The following TESK2 variants were observed in gnomAD, a reference collection of about 807,000 sequenced individuals.
TESK2 encodes testis associated actin remodelling kinase 2, also known as dual specificity testis-specific protein kinase 2.
TESK2 carries 39 observed loss-of-function variants against 57.1 expected under a neutral mutation model. The observed-to-expected ratio is 0.68, with a 90% CI of 0.53 to 0.89. The LOEUF (loss-of-function observed/expected upper bound fraction) is 0.89. TESK2 is among the 40% of genes least tolerant of loss of function. The pLI, the probability that TESK2 is intolerant of heterozygous loss-of-function variation, is 0.00. For missense variants in TESK2, 646 were observed against 732.1 expected (o/e 0.88, Z 1.36); for synonymous variants, 249 against 267.9 (o/e 0.93, Z 0.69).
chr1:45,474,613 C>T (rs1049054442), intron 1 of TESK2, among the ~76,000 whole-genome samples: 28 of 151,958 alleles, frequency 1.8e-4, no homozygotes, highest in Non-Finnish European at 1.8e-4. Context: ...GCTGGGATTA[C>T]AGGTGCGTAC....
chr1:45,477,342 G>A (rs144261971), intron 1 of TESK2, among the ~76,000 whole-genome samples: 48 of 152,194 alleles, frequency 3.2e-4, no homozygotes, highest in African/African-American at 9.6e-4. Context: ...ATAGAGGTTT[G>A]CTTCCTTTAA....
At chr1:45,452,308 T>G (rs1247195262) in intron 2 of TESK2, among the ~76,000 whole-genome samples, 2 of 152,080 alleles carry the variant, frequency 1.3e-5, no homozygotes, top group African/African-American at 4.8e-5. Context: ...AGGCTTTGTG[T>G]TTTTCACTGT....
intron 1 of TESK2, among the ~76,000 whole-genome samples, chr1:45,458,639 C>T (rs1022782160): frequency 1.3e-5 from 2 of 151,560 alleles, no homozygotes; most frequent in Non-Finnish European, 2.9e-5. Context: ...CAATCAATAC[C>T]CTTTATAGCC....
intron 2 of TESK2, among the ~76,000 whole-genome samples, chr1:45,422,923 C>G (rs772852506): frequency 6.0e-5 from 9 of 149,904 alleles, no homozygotes; most frequent in Non-Finnish European, 1.3e-4. Flanking sequence ...GCGCCTGCCA[C>G]CGCGCCCAGC....
Position 45,441,617 on chromosome 1 carries a change from C to CTT in TESK2, c.222+15945_222+15946dup, listed in dbSNP as rs763476517. Among the ~76,000 whole-genome samples the CTT allele has an allele frequency of 4.3e-3, 509 of 118,640 alleles. 13 individuals carry two copies. Among genetic ancestry groups the CTT allele is most frequent in the African/African-American group, 0.011 (346 of 30,732 alleles). 77.8% of individuals were successfully genotyped at this position (118,640 alleles called of 152,430 possible). A position where few individuals can be genotyped will look rare whatever the true frequency, so the allele number is the denominator to read the frequency against. ...ACCACTGCACCCAGCCAAAATTATT[C>CTT]TTTTTTTTTTTTTTTTTTTGAGACA... is the stretch of plus-strand genomic sequence containing the variant. On this transcript the variant is annotated intron_variant, in intron 2 of 10. Coordinates refer to ENST00000372086, the MANE Select transcript of TESK2 (RefSeq NM_007170.3).
intron 4 of TESK2, among the ~76,000 whole-genome samples, chr1:45,375,093 G>C (rs769128232): frequency 8.5e-5 from 13 of 152,112 alleles, no homozygotes; most frequent in Non-Finnish European, 1.8e-4. Context: ...TGGTTTTCCT[G>C]CTTCCACCCT....
intron 4 of TESK2, among the ~76,000 whole-genome samples, chr1:45,380,544 T>G (rs1648611827): frequency 6.6e-6 from 1 of 152,228 alleles, no homozygotes; most frequent in South Asian, 2.1e-4. Context: ...TCATCTTGGC[T>G]ATAGAAGAGA....
rs1026701715 is a variant in TESK2 at position 45,480,453 on chromosome 1, G to C, written c.-87+10399C>G. On this transcript the variant is annotated intron_variant, in intron 1 of 10. Transcript: ENST00000372086. The stretch of plus-strand genomic sequence containing the variant: ...AGTGTGGGCAACAGAGCAAAACTCA[G>C]TCTCCAAAAAAAAAAAAAAAAGAAA... Among the ~76,000 whole-genome samples, 3 of 136,256 alleles carry C rather than the reference G, an allele frequency of 2.2e-5. No individual in the cohort carries two copies. In the Admixed American group the frequency reaches 2.2e-4, roughly 10 times the overall value. 89.4% of individuals were successfully genotyped at this position (136,256 alleles called of 152,430 possible).
rs1652159864 is a variant in TESK2, at chr1:45,457,607, G to A, written c.179C>T (p.Thr60Ile). ...FSRLTRLDDF[T>I]CEKIGSGFFS... ...GAAGCCAGACCCTATTTTTTCACAG[G>A]TGAAATCATCCAAACGCGTCAGTCT... The change falls in exon 2 of 11, where the codon ACC becomes ATC. Residue 60 changes from threonine to isoleucine, a missense_variant. Transcript: ENST00000372086. The A allele has an allele frequency of 6.2e-7, 1 of 1,614,030 alleles. No individual in the cohort carries two copies. The highest frequency in any genetic ancestry group is 1.1e-5 in the South Asian group (1 of 91,070).
Position 45,432,758 on chromosome 1 carries a change from CT to C in TESK2, c.223-10913del, listed in dbSNP as rs1300292630. On this transcript the variant is annotated intron_variant, in intron 2 of 10. Transcript: ENST00000372086. ...CATACTCTCCTATTGAATATTATAA[CT>C]TTTTTTTTTTTTTTTTTTTTTGGAG... is the stretch of plus-strand genomic sequence containing the variant. Among the ~76,000 whole-genome samples the C allele has an allele frequency of 3.5e-3, 305 of 87,646 alleles. 1 individual carries two copies. The highest frequency in any genetic ancestry group is 9.8e-3 in the African/African-American group (218 of 22,262). The allele number at this position is 87,646 out of a possible 152,430, so 57.5% of individuals were successfully genotyped here. A position where few individuals can be genotyped will look rare whatever the true frequency, so the allele number is the denominator to read the frequency against.
At chr1:45,450,757 ATTTC>A (rs961096899) in intron 2 of TESK2, among the ~76,000 whole-genome samples, 11 of 147,586 alleles carry the variant, frequency 7.5e-5, no homozygotes, top group Admixed American at 6.1e-4. Context: ...TTATTTATTT[ATTTC>A]TTTTTCTTTT....
intron 3 of TESK2, among the ~76,000 whole-genome samples, chr1:45,407,370 T>C (rs1286385062): frequency 6.6e-6 from 1 of 152,184 alleles, no homozygotes; most frequent in African/African-American, 2.4e-5. Flanking sequence ...AGCATTTACA[T>C]TATTATGACT....
intron 1 of TESK2, among the ~76,000 whole-genome samples, chr1:45,478,565 CCTT>C (rs768602059): frequency 3.9e-5 from 6 of 152,286 alleles, no homozygotes; most frequent in Non-Finnish European, 7.4e-5. Flanking sequence ...AAAACATACT[CCTT>C]CTTTCATTCA....
Position 45,457,807 on chromosome 1 carries a change from C to T in TESK2, c.-22G>A. 6.2e-7 allele frequency: 1 copy of T among 1,605,524 alleles called. No individual in the cohort carries two copies. The highest frequency in any genetic ancestry group is 8.5e-7 in the Non-Finnish European group (1 of 1,173,096). On this transcript the variant is annotated 5_prime_UTR_variant, in exon 2 of 11. Coordinates refer to ENST00000372086, the MANE Select transcript of TESK2 (RefSeq NM_007170.3). ...CCATAGTCTAAATAATCACTTTTTT[C>T]TTCTTTTAAGAAGGAACTCCACACA...
intron 2 of TESK2, 56 bp downstream of exon 2, chr1:45,457,508 C>T (rs1026236931): frequency 1.7e-5 from 25 of 1,500,632 alleles, no homozygotes; most frequent in Non-Finnish European, 1.2e-5. Flanking sequence ...AACTATCAAC[C>T]TGCAGTAAAT....
intron 8 of TESK2, 28 bp downstream of exon 8, chr1:45,346,951 G>A (rs1315650536): frequency 6.2e-7 from 1 of 1,610,348 alleles, no homozygotes; most frequent in African/African-American, 1.3e-5. Flanking sequence ...CCCCATCAGT[G>A]GCAATGATCC....
chr1:45,452,889 A>C (rs563526457), intron 2 of TESK2, among the ~76,000 whole-genome samples: 2 of 152,278 alleles, frequency 1.3e-5, no homozygotes, highest in East Asian at 1.9e-4. Context: ...CCATCTGTAC[A>C]AAACACTTTA....
chr1:45,464,234 T>G (rs943080130), intron 1 of TESK2, among the ~76,000 whole-genome samples: 1 of 152,152 alleles, frequency 6.6e-6, no homozygotes, highest in Non-Finnish European at 1.5e-5. Context: ...GTTTATAGCC[T>G]GGCCAACATG....
chr1:45,402,082 A>T (rs1258876608), intron 3 of TESK2, among the ~76,000 whole-genome samples: 2 of 146,778 alleles, frequency 1.4e-5, no homozygotes, highest in East Asian at 3.9e-4. Context: ...AATAACCATT[A>T]AAAAAAAAGA....
Sources: gnomAD v4.1 joint callset for allele counts (sites outside exome capture counted in the v4.1 genomes callset) on GRCh38, gnomAD v4.1.1 for gene constraint, MANE v1.5 for transcripts, NCBI Gene and HGNC (gene_info 2026-07-23, HGNC 2026-07-21) for gene names.